The following DPYD variants were observed in gnomAD, a reference collection of about 807,000 sequenced individuals.
DPYD encodes the protein dihydropyrimidine dehydrogenase [NADP(+)].
DPYD carries 109 observed loss-of-function variants against 116.2 expected under a neutral mutation model. The ratio of observed to expected loss-of-function variants is 0.94; its 90% confidence interval spans 0.80 to 1.10. The LOEUF (loss-of-function observed/expected upper bound fraction) is 1.10. DPYD is among the 50% of genes least tolerant of loss of function. DPYD has a pLI of 0.00. For missense variants in DPYD, 1,302 were observed against 1,254.5 expected, an observed-to-expected ratio of 1.04 and a Z score of -0.57; for synonymous variants, 440 against 432.0, an observed-to-expected ratio of 1.02 and a Z score of -0.23.
chr1:97,227,000 C>T lies in DPYD; in HGVS notation c.2442+7852G>A, dbSNP rs561906188. ...AGAAATGATACATTCCAAGAAAATTCGCTCAAAAATTTTGAAGCAAATTTT... is the reference window on the plus strand; with the variant it reads ...AGAAATGATACATTCCAAGAAAATTTGCTCAAAAATTTTGAAGCAAATTTT... On this transcript the variant is annotated intron_variant, in intron 19 of 22. Transcript: ENST00000370192. Among the ~76,000 whole-genome samples, 68 of 152,078 alleles carry T rather than the reference C, an allele frequency of 4.5e-4. 1 individual carries two copies. The highest frequency in any genetic ancestry group is 1.5e-3 in the African/African-American group (64 of 41,508).
At chr1:97,219,235 A>G (rs1055939260) in intron 19 of DPYD, among the ~76,000 whole-genome samples, 1 of 152,210 alleles carries the variant, frequency 6.6e-6, no homozygotes, top group African/African-American at 2.4e-5. Context: ...TTAGAGAGGT[A>G]GATGCTTTTG....
chr1:97,740,329 C>T (rs925598894), intron 4 of DPYD, 63 bp downstream of exon 4: 9 of 1,374,484 alleles, frequency 6.5e-6, no homozygotes, highest in Middle Eastern at 1.9e-4. Flanking sequence ...TCTGTACCCA[C>T]AGATAATAGA....
intron 19 of DPYD, among the ~76,000 whole-genome samples, chr1:97,229,421 G>T (rs1303435531): frequency 6.7e-6 from 1 of 149,704 alleles, no homozygotes; most frequent in Non-Finnish European, 1.5e-5. Context: ...CCAAGATTAG[G>T]GAGTGGAATG....
intron 2 of DPYD, among the ~76,000 whole-genome samples, chr1:97,864,610 G>T (rs1671280790): frequency 6.6e-6 from 1 of 151,892 alleles, no homozygotes; most frequent in South Asian, 2.1e-4. Flanking sequence ...AAAAACTGAG[G>T]CCAAGGAAGA....
intron 18 of DPYD, among the ~76,000 whole-genome samples, chr1:97,299,275 T>G (rs1180586835): frequency 6.6e-6 from 1 of 152,126 alleles, no homozygotes; most frequent in African/African-American, 2.4e-5. Flanking sequence ...GAAATCATTC[T>G]TTATGAAAAA....
At chr1:97,348,807 G>A (rs1039782440) in intron 16 of DPYD, among the ~76,000 whole-genome samples, 3 of 151,868 alleles carry the variant, frequency 2.0e-5, no homozygotes, top group Non-Finnish European at 4.4e-5. Flanking sequence ...TGCAGTTGGC[G>A]GACAGAAGGG....
At chr1:97,136,683 G>A (rs759973348) in intron 20 of DPYD, among the ~76,000 whole-genome samples, 27 of 152,114 alleles carry the variant, frequency 1.8e-4, no homozygotes, top group East Asian at 3.9e-4. Context: ...GGAGAATCAC[G>A]TATTTGGATG....
chr1:97,854,612 TTAGA>T (rs925836154), intron 2 of DPYD, among the ~76,000 whole-genome samples: 60 of 152,284 alleles, frequency 3.9e-4, no homozygotes, highest in South Asian at 1.0e-3. Context: ...TAAAATCAAC[TTAGA>T]TAGCACATTG....
In DPYD at chr1:97,745,600, G is replaced by T. The variant is rs542684515; in HGVS notation, c.234-5121C>A. On this transcript the variant is annotated intron_variant, in intron 3 of 22. Coordinates refer to ENST00000370192, the MANE Select transcript of DPYD (RefSeq NM_000110.4). ...CCATATAATAGCTTTAAAATGTATA[G>T]TTTATACTTTTTGCATATTTTGAAT... Among the ~76,000 whole-genome samples the T allele has an allele frequency of 1.4e-3, 208 of 152,152 alleles. 5 individuals are homozygous for T. Among genetic ancestry groups the T allele is most frequent in the Middle Eastern group, 3.4e-3 (1 of 294 alleles).
At chr1:97,206,028 C>T (rs1286305735) in intron 19 of DPYD, among the ~76,000 whole-genome samples, 1 of 151,868 alleles carries the variant, frequency 6.6e-6, no homozygotes, top group African/African-American at 2.4e-5. Context: ...TCCCACTGGA[C>T]TTCAGTTTAA....
intron 18 of DPYD, among the ~76,000 whole-genome samples, chr1:97,259,266 A>T (rs1461157934): frequency 3.9e-5 from 6 of 152,118 alleles, no homozygotes; most frequent in Non-Finnish European, 7.4e-5. Context: ...GAGTTTGCTA[A>T]AATGTTATTC....
chr1:97,546,211 G>A (rs373505584), intron 12 of DPYD: 28 of 1,536,408 alleles, frequency 1.8e-5, no homozygotes, highest in African/African-American at 1.8e-4. Context: ...AGGACAAAAC[G>A]AGGATGGCAA....
At chr1:97,206,689 A>AT (rs1659654169) in intron 19 of DPYD, among the ~76,000 whole-genome samples, 3 of 85,604 alleles carry the variant, frequency 3.5e-5, no homozygotes, top group South Asian at 3.8e-4. Flanking sequence ...TATATATATA[A>AT]TCTATATGCT....
chr1:97,556,330 T>A (rs542517564), intron 11 of DPYD, among the ~76,000 whole-genome samples: 1,842 of 152,006 alleles, frequency 0.012, 33 homozygotes, highest in African/African-American at 0.041. Flanking sequence ...ATTCCCTTTT[T>A]TTTTATTTTA....
intron 19 of DPYD, among the ~76,000 whole-genome samples, chr1:97,220,999 A>C (rs1490713718): frequency 6.6e-6 from 1 of 152,222 alleles, no homozygotes; most frequent in African/African-American, 2.4e-5. Flanking sequence ...GGAGCCCCAG[A>C]GTAGCCAGTC....
chr1:97,852,849 C>G (rs1670639893), intron 2 of DPYD, among the ~76,000 whole-genome samples: 1 of 152,132 alleles, frequency 6.6e-6, no homozygotes, highest in Non-Finnish European at 1.5e-5. Context: ...ACATTTTCCT[C>G]ATTATAATTT....
chr1:97,707,595 C>T (rs928379585), intron 5 of DPYD, among the ~76,000 whole-genome samples: 6 of 151,966 alleles, frequency 3.9e-5, no homozygotes. Context: ...TTTCCAATTT[C>T]ATCCATGGGA....
intron 1 of DPYD, among the ~76,000 whole-genome samples, chr1:97,899,171 T>G (rs186373609): frequency 7.9e-5 from 12 of 151,864 alleles, no homozygotes; most frequent in African/African-American, 2.7e-4. Flanking sequence ...AACAGTGTGA[T>G]TAATGATGAG....
intron 16 of DPYD, among the ~76,000 whole-genome samples, chr1:97,372,590 A>G (rs1053876431): frequency 1.3e-5 from 2 of 152,186 alleles, no homozygotes; most frequent in African/African-American, 4.8e-5. Flanking sequence ...TCACAAATCT[A>G]TTCTGCATGT....
Sources: gnomAD v4.1 joint callset for allele counts (sites outside exome capture counted in the v4.1 genomes callset) on GRCh38, gnomAD v4.1.1 for gene constraint, MANE v1.5 for transcripts, NCBI Gene and HGNC (gene_info 2026-07-23, HGNC 2026-07-21) for gene names.